Variants in CDKAL1 observed in about 807,000 individuals in gnomAD.
The protein encoded by CDKAL1 is threonylcarbamoyladenosine tRNA methylthiotransferase.
CDKAL1 carries 32 observed loss-of-function variants against 68.2 expected under a neutral mutation model. The observed-to-expected ratio is 0.47, with a 90% CI of 0.35 to 0.63. CDKAL1 has a LOEUF of 0.63. Among genes scored for constraint, CDKAL1 ranks in the 30% least tolerant of loss-of-function variants. The pLI is 0.00. For missense variants in CDKAL1, 606 were observed against 696.7 expected (o/e 0.87, Z 1.47); for synonymous variants, 234 against 244.3 (o/e 0.96, Z 0.39).
chr6:20,945,390 A>G (rs913223759), intron 9 of CDKAL1, among the ~76,000 whole-genome samples: 3 of 152,224 alleles, frequency 2.0e-5, no homozygotes, highest in African/African-American at 7.2e-5. Context: ...TGTCCCAAGC[A>G]TTTTGGATAA....
chr6:21,164,513 A>T (rs1220790148), intron 13 of CDKAL1, among the ~76,000 whole-genome samples: 1 of 152,088 alleles, frequency 6.6e-6, no homozygotes, highest in Non-Finnish European at 1.5e-5. Flanking sequence ...GCCCTTTACC[A>T]CTATCCATCA....
At chr6:21,225,666 C>G (rs1779713579) in intron 15 of CDKAL1, among the ~76,000 whole-genome samples, 1 of 152,168 alleles carries the variant, frequency 6.6e-6, no homozygotes, top group Admixed American at 6.5e-5. Context: ...TGCCTAAGAT[C>G]ACATGGCTGT....
At chr6:21,002,108 C>G (rs1471339121) in intron 11 of CDKAL1, among the ~76,000 whole-genome samples, 1 of 152,164 alleles carries the variant, frequency 6.6e-6, no homozygotes, top group Non-Finnish European at 1.5e-5. Context: ...TCTGTTAAAT[C>G]TGTTCCATCT....
chr6:20,835,077 C>G (rs1393307335), intron 8 of CDKAL1, among the ~76,000 whole-genome samples: 1 of 152,052 alleles, frequency 6.6e-6, no homozygotes, highest in South Asian at 2.1e-4. Flanking sequence ...ATCCTGCATA[C>G]TAATTTATAG....
chr6:20,582,924 A>C (rs886382496), intron 4 of CDKAL1, among the ~76,000 whole-genome samples: 1 of 152,168 alleles, frequency 6.6e-6, no homozygotes, highest in African/African-American at 2.4e-5. Context: ...CCTGTTACTT[A>C]GGGTAATGTC....
intron 9 of CDKAL1, among the ~76,000 whole-genome samples, chr6:20,930,579 A>T (rs1251222293): frequency 6.6e-6 from 1 of 152,190 alleles, no homozygotes; most frequent in Non-Finnish European, 1.5e-5. Context: ...CCCATGTCGA[A>T]ACCTGGAGTG....
intron 4 of CDKAL1, among the ~76,000 whole-genome samples, chr6:20,550,070 C>T (rs374228085): frequency 4.0e-5 from 6 of 151,834 alleles, no homozygotes; most frequent in South Asian, 2.1e-4. Context: ...CCTCTGCCTC[C>T]GGGGTTCAAG....
intron 9 of CDKAL1, among the ~76,000 whole-genome samples, chr6:20,879,791 C>T (rs1038977044): frequency 3.9e-5 from 6 of 152,288 alleles, no homozygotes; most frequent in South Asian, 2.1e-4. Context: ...TTGCTGCCCA[C>T]ACCTCGGAGT....
chr6:20,855,747 G>A (rs1363745577), intron 9 of CDKAL1, among the ~76,000 whole-genome samples: 1 of 152,068 alleles, frequency 6.6e-6, no homozygotes, highest in Non-Finnish European at 1.5e-5. Flanking sequence ...TTTTCTTTGT[G>A]TATGTTTCAT....
At chr6:20,980,534 A>G (rs1581955678) in intron 10 of CDKAL1, among the ~76,000 whole-genome samples, 1 of 152,136 alleles carries the variant, frequency 6.6e-6, no homozygotes, top group African/African-American at 2.4e-5. Context: ...ACCGTCCTCC[A>G]AATATTTTTA....
intron 5 of CDKAL1, among the ~76,000 whole-genome samples, chr6:20,692,737 T>TA (rs113046618): frequency 0.099 from 14,977 of 150,588 alleles, 2,099 homozygotes; most frequent in African/African-American, 0.32. Flanking sequence ...CCCAGAACAT[T>TA]AAAAAAAAAC....
chr6:20,721,725 G>GT (rs145893325), intron 5 of CDKAL1, among the ~76,000 whole-genome samples: 2,209 of 67,296 alleles, frequency 0.033, 229 homozygotes, highest in Non-Finnish European at 0.041. Flanking sequence ...ACCAACTTCT[G>GT]TTTTTTTTTT....
intron 8 of CDKAL1, among the ~76,000 whole-genome samples, chr6:20,801,432 A>G (rs1185758253): frequency 2.6e-5 from 4 of 152,176 alleles, no homozygotes; most frequent in Non-Finnish European, 1.5e-5. Context: ...ATTGTTATTA[A>G]CATTTTACCA....
At chr6:20,861,704 G>A (rs1017808598) in intron 9 of CDKAL1, among the ~76,000 whole-genome samples, 21 of 152,336 alleles carry the variant, frequency 1.4e-4, no homozygotes, top group African/African-American at 5.1e-4. Flanking sequence ...TAGAAAGTGT[G>A]ATGCAGGCAG....
intron 13 of CDKAL1, among the ~76,000 whole-genome samples, chr6:21,129,958 A>G (rs1330477355): frequency 1.3e-5 from 2 of 152,062 alleles, no homozygotes; most frequent in South Asian, 2.1e-4. Context: ...GAAGGCCCAC[A>G]TGCAATTGGC....
chr6:20,810,923 C>T (rs776741754), intron 8 of CDKAL1, among the ~76,000 whole-genome samples: 22 of 152,088 alleles, frequency 1.4e-4, no homozygotes, highest in Admixed American at 2.6e-4. Flanking sequence ...ATCCCTGCAA[C>T]GCTTTGGGTC....
intron 8 of CDKAL1, among the ~76,000 whole-genome samples, chr6:20,833,065 T>G (rs914708911): frequency 6.6e-6 from 1 of 152,204 alleles, no homozygotes; most frequent in Non-Finnish European, 1.5e-5. Flanking sequence ...TGAATCCCAG[T>G]TTCCACGAAA....
At chr6:21,065,019 T>C (rs781130039) in intron 11 of CDKAL1, 29 bp from the exon 12 acceptor site, 49 of 1,417,930 alleles carry the variant, frequency 3.5e-5, no homozygotes, top group Non-Finnish European at 4.7e-5. Context: ...ATAGTCAAGT[T>C]TTTACATTTT....
intron 5 of CDKAL1, among the ~76,000 whole-genome samples, chr6:20,701,913 G>T (rs1771379621): frequency 6.6e-6 from 1 of 152,178 alleles, no homozygotes; most frequent in African/African-American, 2.4e-5. Context: ...CATTTTTAAA[G>T]GTCTGGGCAG....
Sources: gnomAD v4.1 joint callset for allele counts (sites outside exome capture counted in the v4.1 genomes callset) on GRCh38, gnomAD v4.1.1 for gene constraint, MANE v1.5 for transcripts, NCBI Gene and HGNC (gene_info 2026-07-23, HGNC 2026-07-21) for gene names.